OCA2: variants seen among roughly 807,000 people sequenced by gnomAD.
The protein encoded by OCA2 is OCA2 melanosomal transmembrane protein.
In OCA2, 77 loss-of-function variants were observed where a neutral mutation model predicts 100.2. The ratio of observed to expected loss-of-function variants is 0.77; its 90% CI spans 0.64 to 0.93. The LOEUF (loss-of-function observed/expected upper bound fraction) is 0.93. OCA2 is among the 40% of genes least tolerant of loss of function. OCA2 has a pLI of 0.00. For missense variants in OCA2, 1,062 were observed against 1,089.1 expected (o/e 0.98, Z 0.35); for synonymous variants, 432 against 439.2 (o/e 0.98, Z 0.21).
intron 19 of OCA2, among the ~76,000 whole-genome samples, chr15:27,902,735 C>G (rs572191360): frequency 6.6e-6 from 1 of 152,340 alleles, no homozygotes. Flanking sequence ...GGGAACTCTT[C>G]CTCTGCAGGC....
chr15:27,870,814 G>GAAAGAAAGAA (rs1567042694), intron 21 of OCA2, among the ~76,000 whole-genome samples: 2 of 137,858 alleles, frequency 1.5e-5, no homozygotes, highest in African/African-American at 3.2e-5. Context: ...GAAAGAAAGA[G>GAAAGAAAGAA]AGAGAGAAAG....
intron 19 of OCA2, among the ~76,000 whole-genome samples, chr15:27,881,321 C>CT (rs147170693): frequency 0.092 from 14,019 of 152,016 alleles, 1,453 homozygotes; most frequent in African/African-American, 0.25. Flanking sequence ...CTGAAGTTTT[C>CT]TTTTTTTGTT....
At chr15:28,060,815 G>A (rs2043850441) in intron 2 of OCA2, among the ~76,000 whole-genome samples, 1 of 152,174 alleles carries the variant, frequency 6.6e-6, no homozygotes, top group South Asian at 2.1e-4. Context: ...GAAGAGAGCA[G>A]AATTGGACTA....
chr15:27,722,774 CTTTCTT>C, the OCA2 span, among the ~76,000 whole-genome samples: 2 of 70,760 alleles, frequency 2.8e-5, no homozygotes, highest in Admixed American at 1.9e-4. Context: ...TCTTTCTTTT[CTTTCTT>C]TCTCTCTCTC....
intron 2 of OCA2, among the ~76,000 whole-genome samples, chr15:28,069,122 C>T (rs1392820006): frequency 6.6e-6 from 1 of 151,988 alleles, no homozygotes; most frequent in Non-Finnish European, 1.5e-5. Flanking sequence ...AAGTAATAGC[C>T]ATCCAAACAA....
the OCA2 span, among the ~76,000 whole-genome samples, chr15:27,738,940 A>G: frequency 6.6e-6 from 1 of 152,146 alleles, no homozygotes; most frequent in Non-Finnish European, 1.5e-5. Flanking sequence ...TAATATCGAC[A>G]GTCTAGAAGA....
chr15:27,805,346 G>C (rs755512569), intron 23 of OCA2, among the ~76,000 whole-genome samples: 1 of 152,378 alleles, frequency 6.6e-6, no homozygotes, highest in East Asian at 1.9e-4. Flanking sequence ...GCAGGGAACC[G>C]CGAAGGAGGC....
intron 9 of OCA2, among the ~76,000 whole-genome samples, chr15:28,002,676 C>A (rs1303686675): frequency 6.6e-6 from 1 of 152,134 alleles, no homozygotes; most frequent in Non-Finnish European, 1.5e-5. Context: ...ATGGGGTGGG[C>A]TCCAGGCCAC....
chr15:27,913,859 G>GA (rs1453652226), intron 19 of OCA2, among the ~76,000 whole-genome samples: 2 of 40,136 alleles, frequency 5.0e-5, no homozygotes, highest in African/African-American at 2.5e-4. Context: ...AAGAAAGAAA[G>GA]AAAGAAAGAA....
chr15:28,032,226 C>T (rs2141381396), intron 2 of OCA2, 63 bp from the exon 3 acceptor site: 1 of 1,230,004 alleles, frequency 8.1e-7, no homozygotes, highest in South Asian at 1.2e-5. Context: ...GTTCCCAGCA[C>T]TCAGGTGCTA....
chr15:27,870,796 GAAAGAAAGAAAGAA>G (rs2036528887), intron 21 of OCA2, among the ~76,000 whole-genome samples: 2 of 34,480 alleles, frequency 5.8e-5, no homozygotes, highest in African/African-American at 1.3e-4. Flanking sequence ...GAAAAAGAAA[GAAAGAAAGAAAGAA>G]AGAGAGAGAG....
At chr15:27,955,273 C>T (rs972423474) in intron 16 of OCA2, 58 bp from the exon 17 acceptor site, 58 of 1,272,388 alleles carry the variant, frequency 4.6e-5, no homozygotes, top group African/African-American at 7.3e-5. Context: ...GGTGAGATCG[C>T]GGAGCAGCAG....
At chr15:28,081,448 T>C (rs892806298) in intron 2 of OCA2, among the ~76,000 whole-genome samples, 200 bp downstream of exon 2, 11 of 152,228 alleles carry the variant, frequency 7.2e-5, no homozygotes, top group Non-Finnish European at 1.3e-4. Flanking sequence ...ATTTTTATTA[T>C]CTTTTGGAGC....
intron 14 of OCA2, among the ~76,000 whole-genome samples, chr15:27,972,700 ATT>A (rs371672821): frequency 6.8e-6 from 1 of 146,400 alleles, no homozygotes; most frequent in Admixed American, 6.8e-5. Flanking sequence ...TATTGGGATT[ATT>A]TTTTTTTTCT....
At chr15:27,850,469 T>C (rs556863164) in intron 22 of OCA2, among the ~76,000 whole-genome samples, 6 of 152,322 alleles carry the variant, frequency 3.9e-5, no homozygotes, top group Admixed American at 3.3e-4. Context: ...AATGTAGCTC[T>C]GCATTGCCTT....
chr15:27,867,064 C>T (rs1166439088), intron 21 of OCA2, among the ~76,000 whole-genome samples: 1 of 152,228 alleles, frequency 6.6e-6, no homozygotes, highest in Non-Finnish European at 1.5e-5. Flanking sequence ...TCCCAGTGTG[C>T]AGTTGAGAAA....
At chr15:27,891,387 G>A (rs1250112831) in intron 19 of OCA2, among the ~76,000 whole-genome samples, 1 of 152,058 alleles carries the variant, frequency 6.6e-6, no homozygotes, top group African/African-American at 2.4e-5. Context: ...AAGAAACATG[G>A]GTATGTACTG....
intron 19 of OCA2, among the ~76,000 whole-genome samples, chr15:27,914,466 T>C (rs994909574): frequency 5.3e-5 from 8 of 152,068 alleles, no homozygotes; most frequent in South Asian, 2.1e-4. Context: ...GAAAACCCCA[T>C]AGTCTTGGCC....
intron 19 of OCA2, among the ~76,000 whole-genome samples, chr15:27,911,876 A>G (rs2038410780): frequency 6.6e-6 from 1 of 152,214 alleles, no homozygotes; most frequent in Non-Finnish European, 1.5e-5. Flanking sequence ...AGAAGAAAAG[A>G]ATTAATTTAA....
Sources: gnomAD v4.1 joint callset for allele counts (sites outside exome capture counted in the v4.1 genomes callset) on GRCh38, gnomAD v4.1.1 for gene constraint, MANE v1.5 for transcripts, NCBI Gene and HGNC (gene_info 2026-07-23, HGNC 2026-07-21) for gene names.